ZNF345: variants seen among roughly 807,000 people sequenced by gnomAD.
ZNF345 encodes the protein zinc finger protein 345, also known as zinc finger protein HZF10.
For missense variants in ZNF345, 527 were observed against 589.9 expected, an observed-to-expected ratio of 0.89 and a Z score of 1.10; for synonymous variants, 166 against 187.9, an observed-to-expected ratio of 0.88 and a Z score of 0.95.
In ZNF345 at chr19:36,859,958, G is replaced by T. The variant is rs527308299; in HGVS notation, c.-47+8054G>T. Among the ~76,000 whole-genome samples the T allele has an allele frequency of 2.4e-3, 364 of 151,332 alleles. 1 individual carries two copies. The highest frequency in any genetic ancestry group is 4.2e-3 in the Non-Finnish European group (283 of 67,746). On this transcript the variant is annotated intron_variant, in intron 2 of 2. Coordinates refer to ENST00000420450, the MANE Select transcript of ZNF345 (RefSeq NM_001242472.2). The stretch of plus-strand genomic sequence containing the variant: ...TTAAGACTAAGTTGCAGATTTTTTT[G>T]TTTGTTTGTTTGTTTTTTTGAGACA...
chr19:36,889,743 C>T (rs2073032691), intron 3 of ZNF345: 1 of 151,996 alleles, frequency 6.6e-6, no homozygotes, highest in Non-Finnish European at 1.5e-5. Context: ...TGATCTTTTG[C>T]ATTCCTTTGT....
At chr19:36,884,019 T>G (rs964732585), downstream of ZNF345, among the ~76,000 whole-genome samples, 1 of 152,180 alleles carries the variant, frequency 6.6e-6, no homozygotes, top group Non-Finnish European at 1.5e-5. Context: ...TTCAGTATAA[T>G]AATTCACAGA....
chr19:36,886,234 G>A (rs558862881), intron 3 of ZNF345, among the ~76,000 whole-genome samples: 66 of 152,290 alleles, frequency 4.3e-4, no homozygotes, highest in African/African-American at 1.6e-3. Flanking sequence ...TCAGGAAAGT[G>A]GAGCATAACC....
intron 2 of ZNF345, chr19:36,872,781 A>G (rs189027603): frequency 6.6e-6 from 1 of 152,346 alleles, no homozygotes; most frequent in East Asian, 1.9e-4. Context: ...AAACAGGTAT[A>G]TATTTTTCCC....
intron 2 of ZNF345, among the ~76,000 whole-genome samples, chr19:36,873,926 G>C (rs1424034488): frequency 1.3e-5 from 2 of 152,172 alleles, no homozygotes; most frequent in African/African-American, 4.8e-5. Flanking sequence ...GAATAATACT[G>C]CTTTGAACAT....
chr19:36,853,865 G>C (rs1483167645), intron 2 of ZNF345, among the ~76,000 whole-genome samples: 1 of 152,040 alleles, frequency 6.6e-6, no homozygotes, highest in East Asian at 1.9e-4. Context: ...AGAGTGTCTT[G>C]GCTATTTGTG....
chr19:36,880,017 A>G (rs553192409), downstream of ZNF345, among the ~76,000 whole-genome samples: 7 of 152,320 alleles, frequency 4.6e-5, no homozygotes, highest in South Asian at 1.4e-3. Context: ...AATTTGATTG[A>G]CATTCTTTCC....
intron 2 of ZNF345, among the ~76,000 whole-genome samples, chr19:36,853,156 T>C (rs2072322854): frequency 1.3e-5 from 2 of 151,948 alleles, no homozygotes; most frequent in African/African-American, 2.4e-5. Flanking sequence ...TCATTTCCTA[T>C]GGTTAGTCTT....
At chr19:36,884,338 A>G (rs1297119638), downstream of ZNF345, among the ~76,000 whole-genome samples, 3 of 152,184 alleles carry the variant, frequency 2.0e-5, no homozygotes, top group East Asian at 1.9e-4. Flanking sequence ...GATTACAGGC[A>G]TGAGCCACCG....
Position 36,878,140 on chromosome 19 carries a change from G to A in ZNF345, c.1310G>A (p.Ser437Asn), listed in dbSNP as rs538397998. 6.2e-7 allele frequency: 1 copy of A among 1,614,144 alleles called. No individual in the cohort carries two copies. Among genetic ancestry groups the A allele is most frequent in the South Asian group, 1.1e-5 (1 of 91,086 alleles). Residue 437 changes from serine (S) to asparagine (N), a missense_variant, in exon 3 of 3, where the codon AGT becomes AAT. Coordinates refer to ENST00000420450, the MANE Select transcript of ZNF345 (RefSeq NM_001242472.2). ...ECKECGKAFY[S>N]GSSLTQHQRI... ...AAGGAGTGTGGGAAGGCTTTTTATA[G>A]TGGCTCAAGCCTTACTCAGCATCAG...
At chr19:36,851,391 C>T (rs1158093100) in intron 1 of ZNF345, 1 of 151,920 alleles carries the variant, frequency 6.6e-6, no homozygotes, top group Non-Finnish European at 1.5e-5. Context: ...TCATTGTGAC[C>T]CCAAGGTGTA....
intron 2 of ZNF345, among the ~76,000 whole-genome samples, chr19:36,866,838 G>A (rs2072670962): frequency 6.6e-6 from 1 of 152,102 alleles, no homozygotes; most frequent in African/African-American, 2.4e-5. Context: ...GGCGTGAGCC[G>A]CCGCACCTGG....
chr19:36,874,510 G>A (rs568944782), intron 2 of ZNF345, among the ~76,000 whole-genome samples: 1 of 149,008 alleles, frequency 6.7e-6, no homozygotes, highest in Non-Finnish European at 1.5e-5. Context: ...AAAAAAGGGG[G>A]GTGGGGTGCC....
intron 2 of ZNF345, among the ~76,000 whole-genome samples, chr19:36,866,760 A>G (rs1197553423): frequency 2.0e-5 from 3 of 152,146 alleles, no homozygotes; most frequent in African/African-American, 4.8e-5. Context: ...TGTGTTGGCC[A>G]GGCTGGTCTC....
chr19:36,877,033 G>A lies in ZNF345; in HGVS notation c.203G>A (p.Gly68Glu). Residue 68 changes from glycine (G) to glutamate (E), a missense_variant, in exon 3 of 3, where the codon GGG (glycine) becomes GAG (glutamate). Gly to Glu is a moderately conservative substitution (Grantham distance 98). Transcript: ENST00000420450. ...AAACTCCTTGAATGTAAGGAATGTG[G>A]GAAGGATTTTAGTTTTGTATCAGTC... Reference protein sequence around the residue: ...DEKLLECKECGKDFSFVSVLV... With the variant: ...DEKLLECKECEKDFSFVSVLV... 6.2e-7 allele frequency: 1 copy of A among 1,614,112 alleles called. No individual in the cohort carries two copies. Among genetic ancestry groups the A allele is most frequent in the Non-Finnish European group, 8.5e-7 (1 of 1,180,006 alleles).
intron 2 of ZNF345, among the ~76,000 whole-genome samples, chr19:36,872,932 T>G (rs2072800144): frequency 1.3e-5 from 2 of 152,210 alleles, no homozygotes; most frequent in Non-Finnish European, 2.9e-5. Flanking sequence ...TAAATGGTGA[T>G]TTTCAGGTTC....
At chr19:36,867,432 C>T (rs1018723838) in intron 2 of ZNF345, among the ~76,000 whole-genome samples, 1 of 152,114 alleles carries the variant, frequency 6.6e-6, no homozygotes, top group African/African-American at 2.4e-5. Flanking sequence ...TATTGTGCAA[C>T]TATTGATTCT....
chr19:36,891,567 A>G, intron 3 of ZNF345: 3 of 1,612,678 alleles, frequency 1.9e-6, no homozygotes, highest in Non-Finnish European at 2.5e-6. Context: ...CCTTACAGTC[A>G]TAGGGTTTCT....
At chr19:36,856,775 G>A in intron 2 of ZNF345, among the ~76,000 whole-genome samples, 1 of 151,820 alleles carries the variant, frequency 6.6e-6, no homozygotes, top group Non-Finnish European at 1.5e-5. Context: ...GCTGGAACCC[G>A]GGAGGCAGAG....
Sources: gnomAD v4.1 joint callset for allele counts (sites outside exome capture counted in the v4.1 genomes callset) on GRCh38, gnomAD v4.1.1 for gene constraint, MANE v1.5 for transcripts, NCBI Gene and HGNC (gene_info 2026-07-23, HGNC 2026-07-21) for gene names.